The following TRIO variants were observed in gnomAD, a reference collection of about 807,000 sequenced individuals.
The protein encoded by TRIO is trio Rho guanine nucleotide exchange factor, also known as triple functional domain protein.
In TRIO, 58 loss-of-function variants were observed where a neutral mutation model predicts 351.9. That is an observed-to-expected ratio of 0.16 (90% CI 0.13 to 0.21). The LOEUF (loss-of-function observed/expected upper bound fraction) is 0.21, where lower values mean the gene tolerates loss of function less well. Among genes scored for constraint, TRIO ranks in the 10% least tolerant of loss-of-function variants. The pLI is 1.00. For synonymous variants in TRIO, 1,758 were observed against 1,595.7 expected (o/e 1.10, Z -2.42); for missense variants, 3,201 against 4,027.8 (o/e 0.79, Z 5.56).
At chr5:14,386,085 T>C (rs1746514624) in intron 21 of TRIO, among the ~76,000 whole-genome samples, 1 of 152,194 alleles carries the variant, frequency 6.6e-6, no homozygotes, top group Non-Finnish European at 1.5e-5. Context: ...CAGAAGGCCA[T>C]ACATGCTATG....
Position 14,364,748 on chromosome 5 carries a change from G to T in TRIO, c.2686G>T (p.Ala896Ser), listed in dbSNP as rs753652108. The change falls in exon 15 of 57, where the codon GCA becomes TCA. Residue 896 changes from alanine to serine, a missense_variant. Around this residue, in one of 19 missense-constraint regions of TRIO, gnomAD observed 363 missense variants for 553.5 expected, o/e 0.66. Coordinates refer to ENST00000344204, the MANE Select transcript of TRIO (RefSeq NM_007118.4). ...HEKQQELDLA[A>S]EQHRKHLEQC... ...AAAACAGCAGGAATTGGATTTAGCCGCAGAGCAGCATCGGAAACACCTGGA... is the reference window on the plus strand; with the variant it reads ...AAAACAGCAGGAATTGGATTTAGCCTCAGAGCAGCATCGGAAACACCTGGA... The T allele has an allele frequency of 1.9e-6, 3 of 1,612,592 alleles. No individual in the cohort carries two copies. Among genetic ancestry groups the T allele is most frequent in the East Asian group, 2.2e-5 (1 of 44,888 alleles).
intron 11 of TRIO, 97 bp downstream of exon 11, chr5:14,336,824 C>T: frequency 7.5e-7 from 1 of 1,340,256 alleles, no homozygotes; most frequent in South Asian, 1.3e-5. Context: ...AGAAAGTGGA[C>T]AAAGGTGGCA....
intron 1 of TRIO, among the ~76,000 whole-genome samples, chr5:14,171,503 G>A (rs576270291): frequency 1.3e-5 from 2 of 152,176 alleles, no homozygotes; most frequent in Non-Finnish European, 2.9e-5. Context: ...TTAGATAGCT[G>A]TAAATTATTT....
intron 34 of TRIO, among the ~76,000 whole-genome samples, chr5:14,426,242 A>G (rs1231251178): frequency 2.6e-5 from 4 of 152,338 alleles, no homozygotes; most frequent in Admixed American, 1.3e-4. Context: ...ACACATGTGC[A>G]CACACACGCA....
chr5:14,488,790 G>A (rs189134975), intron 48 of TRIO: 2 of 595,862 alleles, frequency 3.4e-6, no homozygotes, highest in Non-Finnish European at 6.0e-6. Flanking sequence ...AAAATGGGGG[G>A]AAAGAATCTG....
At chr5:14,213,277 A>G (rs1194209931) in intron 1 of TRIO, among the ~76,000 whole-genome samples, 2 of 151,604 alleles carry the variant, frequency 1.3e-5, no homozygotes, top group African/African-American at 2.4e-5. Context: ...AGTTATTTCT[A>G]AATTATCAGG....
Position 14,509,351 on chromosome 5 carries a change from A to C in TRIO, c.*929A>C, listed in dbSNP as rs548881844. 2.3e-6 allele frequency: 1 copy of C among 434,600 alleles called. No homozygotes were observed. The highest frequency in any genetic ancestry group is 1.6e-5 in the South Asian group (1 of 61,136). The allele number at this position is 434,600 out of a possible 1,614,324, so 26.9% of individuals were successfully genotyped here. On this transcript the variant is annotated 3_prime_UTR_variant, in exon 57 of 57. Transcript: ENST00000344204. Reference sequence around the variant, plus strand: ...TGTAATAAATATATAGAAAAAGCACATACTTCGTATGGTGAGCTTTATGGT... The same window carrying C: ...TGTAATAAATATATAGAAAAAGCACCTACTTCGTATGGTGAGCTTTATGGT...
At chr5:14,314,468 G>C (rs1739204658) in intron 8 of TRIO, among the ~76,000 whole-genome samples, 2 of 152,140 alleles carry the variant, frequency 1.3e-5, no homozygotes, top group Admixed American at 6.5e-5. Context: ...ATTGAGAATG[G>C]TTTTATTGTG....
chr5:14,489,180 G>T, intron 48 of TRIO: 1 of 583,814 alleles, frequency 1.7e-6, no homozygotes. Flanking sequence ...AAAAAATCTA[G>T]CTTTTGCATG....
At chr5:14,365,454 T>C (rs1037138330) in intron 15 of TRIO, among the ~76,000 whole-genome samples, 7 of 151,958 alleles carry the variant, frequency 4.6e-5, no homozygotes, top group Non-Finnish European at 1.0e-4. Context: ...GAGCAGGAGG[T>C]GGTGCAGAAG....
intron 24 of TRIO, 112 bp downstream of exon 24, chr5:14,388,791 C>T (rs993086648): frequency 1.2e-5 from 15 of 1,248,888 alleles, no homozygotes. Flanking sequence ...TTTTTTCTGT[C>T]ATTTTTTTAA....
At chr5:14,365,145 A>T (rs1305571814) in intron 15 of TRIO, among the ~76,000 whole-genome samples, 1 of 152,102 alleles carries the variant, frequency 6.6e-6, no homozygotes, top group Non-Finnish European at 1.5e-5. Flanking sequence ...TTCTTATATG[A>T]CTTTTTCTGC....
rs187345697 is a variant in TRIO at position 14,497,241 on chromosome 5, C to T, written c.8019+224C>T. Reference sequence around the variant, plus strand: ...AACCAGGTAGACCCCTGCACACTTCCGCAGGTGCACATGTGGCTTCTAAAG... The same window carrying T: ...AACCAGGTAGACCCCTGCACACTTCTGCAGGTGCACATGTGGCTTCTAAAG... On this transcript the variant is annotated intron_variant, in intron 50 of 56. Coordinates refer to ENST00000344204, the MANE Select transcript of TRIO (RefSeq NM_007118.4). The surrounding 1 kb of genome is among the most constrained non-coding windows in gnomAD (Gnocchi z 4.4). Among the ~76,000 whole-genome samples the T allele has an allele frequency of 7.9e-5, 12 of 152,310 alleles. No individual in the cohort carries two copies. In the East Asian group the frequency reaches 1.7e-3, roughly 22 times the overall value.
chr5:14,477,147 C>T lies in TRIO; in HGVS notation c.6153+184C>T, dbSNP rs1233772600. On this transcript the variant is annotated intron_variant, in intron 41 of 56. Coordinates refer to ENST00000344204, the MANE Select transcript of TRIO (RefSeq NM_007118.4). Reference sequence around the variant, plus strand: ...TCTTCAACATGAGTTACCTGCTTTCCCAGTCACCTGGCTGAAGCTGGCTAT... The same window carrying T: ...TCTTCAACATGAGTTACCTGCTTTCTCAGTCACCTGGCTGAAGCTGGCTAT... 4 of 567,212 alleles carry T rather than the reference C, an allele frequency of 7.1e-6. No homozygotes were observed. The Admixed American group carries it at 1.0e-4, about 14-fold the overall frequency. 35.1% of individuals were successfully genotyped at this position (567,212 alleles called of 1,614,324 possible). A position where few individuals can be genotyped will look rare whatever the true frequency, so the allele number is the denominator to read the frequency against.
At chr5:14,358,024 C>T (rs561534560) in intron 11 of TRIO, among the ~76,000 whole-genome samples, 154 bp from the exon 12 acceptor site, 11 of 152,248 alleles carry the variant, frequency 7.2e-5, no homozygotes, top group Admixed American at 3.3e-4. Context: ...CCCTCCCTCC[C>T]GTCCTTCCTT....
In TRIO at chr5:14,366,775, C is replaced by T; in HGVS notation, c.2755-85C>T. ...TACCTGCCAGGAGCAACTGGACTAT[C>T]TTGCACGCTTGTATCTCACCCCTGG... On this transcript the variant is annotated intron_variant, in intron 15 of 56. Coordinates refer to ENST00000344204, the MANE Select transcript of TRIO (RefSeq NM_007118.4). 4 of 1,588,120 alleles carry T rather than the reference C, an allele frequency of 2.5e-6. No individual in the cohort carries two copies. In the African/African-American group the frequency reaches 5.4e-5, roughly 21 times the overall value.
intron 11 of TRIO, among the ~76,000 whole-genome samples, chr5:14,345,614 G>A (rs558679532): frequency 3.4e-4 from 52 of 152,304 alleles, no homozygotes; most frequent in Non-Finnish European, 7.3e-5. Context: ...AGGCTGGAGT[G>A]CAGTGGTGTG....
At chr5:14,473,924 TAATC>T (rs1321638873) in intron 39 of TRIO, 66 bp from the exon 40 acceptor site, 64 of 1,481,712 alleles carry the variant, frequency 4.3e-5, no homozygotes, top group Non-Finnish European at 5.6e-5. Context: ...CTGTGACTAT[TAATC>T]AATAAGCCAC....
rs764991930 is a variant in TRIO, at chr5:14,390,321, T to G, written c.4128+21T>G. The G allele has an allele frequency of 1.1e-5, 17 of 1,612,048 alleles. No individual in the cohort carries two copies. The African/African-American group carries it at 2.3e-4, about 22-fold the overall frequency. On this transcript the variant is annotated intron_variant, in intron 26 of 56. Transcript: ENST00000344204. ...CTTGGGTAATGAAACCTCAACCATT[T>G]GTTCTCTCCCAGCTATTAGGTGACG... is the stretch of plus-strand genomic sequence containing the variant.
Sources: gnomAD v4.1 joint callset for allele counts (sites outside exome capture counted in the v4.1 genomes callset) on GRCh38, gnomAD v4.1.1 for gene constraint, gnomAD v4.1.1 regional missense constraint, Gnocchi (gnomAD v3.1) non-coding constraint, MANE v1.5 for transcripts, NCBI Gene and HGNC (gene_info 2026-07-23, HGNC 2026-07-21) for gene names.